The following STARD9 variants were observed in gnomAD, a reference collection of about 807,000 sequenced individuals.
STARD9 encodes the protein stAR-related lipid transfer protein 9.
A neutral mutation model predicts 399.8 loss-of-function variants in STARD9; 346 were observed. The ratio of observed to expected loss-of-function variants is 0.87; its 90% CI spans 0.79 to 0.95. The LOEUF (loss-of-function observed/expected upper bound fraction) is 0.95. Among genes scored for constraint, STARD9 ranks in the 40% least tolerant of loss-of-function variants. STARD9 has a pLI of 0.00. For missense variants in STARD9, 5,832 were observed against 5,667.5 expected (o/e 1.03, Z -0.93); for synonymous variants, 2,203 against 2,143.5 (o/e 1.03, Z -0.77).
Position 42,687,730 on chromosome 15 carries a change from T to G in STARD9, c.6152T>G (p.Ile2051Ser). Reference sequence around the variant, plus strand: ...AATACTGATGAAATGGCTAGGCTAATTAGGAGTGTAATGCAGCTGGAAAAT... The same window carrying G: ...AATACTGATGAAATGGCTAGGCTAAGTAGGAGTGTAATGCAGCTGGAAAAT... ...VNNTDEMARL[I>S]RSVMQLENGI... The change falls in exon 23 of 33, where the codon ATT becomes AGT. Residue 2051 changes from isoleucine to serine, a missense_variant. Transcript: ENST00000290607. 2.6e-6 allele frequency: 4 copies of G among 1,537,448 alleles called. No individual in the cohort carries two copies. Among genetic ancestry groups the G allele is most frequent in the Non-Finnish European group, 2.6e-6 (3 of 1,146,966 alleles).
Position 42,691,787 on chromosome 15 carries a change from C to T in STARD9, c.10209C>T (p.Ala3403=). 1 of 1,537,260 alleles carries T rather than the reference C, an allele frequency of 6.5e-7. No homozygotes were observed. Among genetic ancestry groups the T allele is most frequent in the Non-Finnish European group, 8.7e-7 (1 of 1,146,918 alleles). ...GTTDHRHLKP[A]TPPYPMPSTL... is the part of the protein sequence containing the mutation. ...CCGATCACAGGCACCTGAAGCCTGC[C>T]ACCCCTCCTTATCCAATGCCTTCCA... The change falls in exon 23 of 33, where the codon GCC becomes GCT. Residue 3403 remains alanine (A), a synonymous_variant. Transcript: ENST00000290607.
rs1373042719 is a variant in STARD9 at position 42,663,386 on chromosome 15, G to C, written c.974G>C (p.Gly325Ala). 1.3e-6 allele frequency: 2 copies of C among 1,537,156 alleles called. No homozygotes were observed. Among genetic ancestry groups the C allele is most frequent in the African/African-American group, 2.7e-5 (2 of 73,044 alleles). The change falls in exon 12 of 33, where the codon GGG (glycine) becomes GCG (alanine). Residue 325 changes from glycine (G) to alanine (A), a missense_variant. By Grantham distance (60) the Gly-to-Ala change is moderately conservative. Coordinates refer to ENST00000290607, the MANE Select transcript of STARD9 (RefSeq NM_020759.3). ...TCTCCTTCTGGGACCAGCAGTGGAG[G>C]GGCACCCTCCCGAAGGCAGTCTTAT... Reference protein sequence around the residue: ...LSSPSGTSSGGAPSRRQSYIP... With the variant: ...LSSPSGTSSGAAPSRRQSYIP...
Position 42,694,148 on chromosome 15 carries a change from G to A in STARD9, c.12570G>A (p.Glu4190=), listed in dbSNP as rs1485439432. The A allele has an allele frequency of 7.8e-6, 12 of 1,536,308 alleles. No individual in the cohort carries two copies. The highest frequency in any genetic ancestry group is 1.2e-5 in the South Asian group (1 of 83,892). ...QPPNDHSQDS[E]WSKREQIPLQ... ...CTAATGACCACAGCCAGGATTCTGA[G>A]TGGTCCAAGAGGGAGCAGATCCCCC... Residue 4190 remains glutamate (E), a synonymous_variant, in exon 23 of 33, where the codon GAG becomes GAA. Transcript: ENST00000290607.
intron 26 of STARD9, among the ~76,000 whole-genome samples, chr15:42,704,032 C>T (rs985434739): frequency 1.3e-5 from 2 of 152,072 alleles, no homozygotes; most frequent in East Asian, 3.9e-4. Flanking sequence ...CTCAGCCTCC[C>T]GAGTAGCTGG....
chr15:42,687,915 C>T lies in STARD9; in HGVS notation c.6337C>T (p.Gln2113Ter). ...SSGNPLPSKD[Q>*]PSSPRQTDDT... ...TGGAAACCCTTTGCCCTCTAAGGAT[C>T]AGCCATCTTCTCCAAGACAGACAGA... Residue 2113 changes from glutamine to a stop codon, truncating the protein, a stop_gained, in exon 23 of 33, where the codon CAG becomes TAG. Coordinates refer to ENST00000290607, the MANE Select transcript of STARD9 (RefSeq NM_020759.3). LOFTEE classifies it high-confidence loss of function. 2.0e-6 allele frequency: 3 copies of T among 1,537,246 alleles called. No individual in the cohort carries two copies. Among genetic ancestry groups the T allele is most frequent in the East Asian group, 2.4e-5 (1 of 40,916 alleles).
At chr15:42,587,873 A>T (rs1006680931) in intron 3 of STARD9, among the ~76,000 whole-genome samples, 1 of 152,182 alleles carries the variant, frequency 6.6e-6, no homozygotes, top group South Asian at 2.1e-4. Flanking sequence ...GTGGCCCTTG[A>T]TTTTTTATCC....
chr15:42,604,626 ATTTTTTTTT>A (rs11349330), intron 3 of STARD9, among the ~76,000 whole-genome samples: 81 of 54,752 alleles, frequency 1.5e-3, no homozygotes, highest in East Asian at 5.8e-3. Flanking sequence ...GATCAAATTG[ATTTTTTTTT>A]TTTTTTTTTT....
chr15:42,606,563 T>C (rs1473295176), intron 3 of STARD9, among the ~76,000 whole-genome samples: 2 of 151,018 alleles, frequency 1.3e-5, no homozygotes, highest in Non-Finnish European at 3.0e-5. Context: ...TCAAGCCACC[T>C]TCCCACCTCA....
chr15:42,600,783 C>G (rs2058605778), intron 3 of STARD9, among the ~76,000 whole-genome samples: 1 of 151,956 alleles, frequency 6.6e-6, no homozygotes. Context: ...TCTTGGCCTC[C>G]CAAAGTGTTG....
At position 42,692,015 on chromosome 15, in the gene STARD9, A is replaced by G. The variant is rs1189279714; in HGVS notation, c.10437A>G (p.Ala3479=). ...YALPWRPEEP[A]RISWKQYMSG... ...TGCCGTGGCGTCCGGAGGAGCCTGC[A>G]CGTATCAGCTGGAAGCAGTATATGT... Residue 3479 remains alanine, a synonymous_variant, in exon 23 of 33, where the codon GCA becomes GCG. Coordinates refer to ENST00000290607, the MANE Select transcript of STARD9 (RefSeq NM_020759.3). 11 of 1,537,114 alleles carry G rather than the reference A, an allele frequency of 7.2e-6. No individual in the cohort carries two copies. Among genetic ancestry groups the G allele is most frequent in the Non-Finnish European group, 9.6e-6 (11 of 1,146,918 alleles).
At chr15:42,711,390 T>C (rs2061221097) in intron 26 of STARD9, among the ~76,000 whole-genome samples, 1 of 152,076 alleles carries the variant, frequency 6.6e-6, no homozygotes, top group African/African-American at 2.4e-5. Flanking sequence ...ATCCACTCGC[T>C]TCAGCCTCCC....
In STARD9 at chr15:42,606,212, T is replaced by C. The variant is rs139005745; in HGVS notation, c.234+20575T>C. On this transcript the variant is annotated intron_variant, in intron 3 of 32. Transcript: ENST00000290607. Reference sequence around the variant, plus strand: ...TGTTTTACAGATGTGCTTACTGAGGTTCAGAGATGAAGCCCAGTTTTAGTC... The same window carrying C: ...TGTTTTACAGATGTGCTTACTGAGGCTCAGAGATGAAGCCCAGTTTTAGTC... Among the ~76,000 whole-genome samples the C allele has an allele frequency of 3.7e-4, 57 of 152,280 alleles. 1 individual carries two copies. The East Asian group carries it at 0.011, about 29-fold the overall frequency.
chr15:42,712,090 T>TAATATAAA lies in STARD9; in HGVS notation c.13285-4586_13285-4585insATATAAAA, dbSNP rs1322176052. Among the ~76,000 whole-genome samples, 7 of 6,142 alleles carry TAATATAAA rather than the reference T, an allele frequency of 1.1e-3. No homozygotes were observed. The East Asian group carries it at 0.021, about 19-fold the overall frequency. The allele number at this position is 6,142 out of a possible 152,430, so 4.0% of individuals were successfully genotyped here. On this transcript the variant is annotated intron_variant, in intron 26 of 32. Coordinates refer to ENST00000290607, the MANE Select transcript of STARD9 (RefSeq NM_020759.3). ...TATATATATATATATATTATATATATATATATAATATATAATATATAATAT... is the reference window on the plus strand; with the variant it reads ...TATATATATATATATATTATATATATAATATAAAATATATAATATATAATATATAATAT...
chr15:42,652,900 A>G (rs945777188), intron 9 of STARD9, among the ~76,000 whole-genome samples: 1 of 151,508 alleles, frequency 6.6e-6, no homozygotes, highest in Non-Finnish European at 1.5e-5. Context: ...CTGGTCTCAA[A>G]CTCCTGACCT....
rs2060812947 is a variant in STARD9 at position 42,695,108 on chromosome 15, C to T, written c.12963-32C>T. ...ACAGACCAGGACTGTCACCCACCCA[C>T]CATGTTCTTTCCACCCCGTGATCTT... On this transcript the variant is annotated intron_variant, in intron 24 of 32. Transcript: ENST00000290607. 3 of 1,497,002 alleles carry T rather than the reference C, an allele frequency of 2.0e-6. No individual in the cohort carries two copies. In the East Asian group the frequency reaches 7.4e-5, roughly 37 times the overall value. 92.7% of individuals were successfully genotyped at this position (1,497,002 alleles called of 1,614,324 possible).
intron 7 of STARD9, among the ~76,000 whole-genome samples, chr15:42,649,271 A>G (rs2136903): frequency 0.2 from 29,748 of 150,484 alleles, 6,349 homozygotes; most frequent in African/African-American, 0.53. Flanking sequence ...CTCATGATCC[A>G]CCCGCCTCAG....
At position 42,689,313 on chromosome 15, in the gene STARD9, G is replaced by T; in HGVS notation, c.7735G>T (p.Glu2579Ter). The T allele has an allele frequency of 6.5e-7, 1 of 1,537,238 alleles. No homozygotes were observed. Among genetic ancestry groups the T allele is most frequent in the South Asian group, 1.2e-5 (1 of 84,062 alleles). The change falls in exon 23 of 33, where the codon GAA (glutamate) becomes TAA (stop). Residue 2579 changes from glutamate (E) to a stop codon, truncating the protein, a stop_gained. Transcript: ENST00000290607. LOFTEE classifies it high-confidence loss of function. ...VARGTVLSYC[E>*]TLLEPECSSR... ...CAGGGGCACAGTCCTTTCTTACTGTGAAACTTTACTAGAACCCGAATGTTC... is the reference window on the plus strand; with the variant it reads ...CAGGGGCACAGTCCTTTCTTACTGTTAAACTTTACTAGAACCCGAATGTTC...
intron 31 of STARD9, 95 bp from the exon 32 acceptor site, chr15:42,718,657 C>G: frequency 6.9e-7 from 1 of 1,456,954 alleles, no homozygotes; most frequent in African/African-American, 1.4e-5. Context: ...TGAAGGCTGG[C>G]CCAGTGTTGC....
intron 26 of STARD9, among the ~76,000 whole-genome samples, chr15:42,713,033 TG>T (rs2061278928): frequency 6.6e-6 from 1 of 152,198 alleles, no homozygotes; most frequent in African/African-American, 2.4e-5. Flanking sequence ...GTAGATCAAT[TG>T]GGGGAGCATT....
Sources: allele counts gnomAD v4.1 joint callset (sites outside exome capture counted in the v4.1 genomes callset), GRCh38; gene constraint gnomAD v4.1.1; transcripts MANE v1.5; gene names NCBI Gene and HGNC (gene_info 2026-07-23, HGNC 2026-07-21).